The following DOK5 variants were observed in gnomAD, a reference collection of about 807,000 sequenced individuals.
DOK5 encodes the protein docking protein 5.
DOK5 carries 27 observed loss-of-function variants against 43.3 expected under a neutral mutation model. The observed-to-expected ratio is 0.62, with a 90% confidence interval of 0.46 to 0.86. The LOEUF (loss-of-function observed/expected upper bound fraction) is 0.86. Among genes scored for constraint, DOK5 ranks in the 40% least tolerant of loss-of-function variants. DOK5 has a pLI of 0.00. For missense variants in DOK5, 373 were observed against 392.9 expected (o/e 0.95, Z 0.43); for synonymous variants, 146 against 140.1 (o/e 1.04, Z -0.30).
chr20:54,537,109 A>G (rs1983986192), intron 1 of DOK5, among the ~76,000 whole-genome samples: 1 of 152,192 alleles, frequency 6.6e-6, no homozygotes, highest in South Asian at 2.1e-4. Flanking sequence ...ACCCAGCAAT[A>G]ATGCGGGGGC....
At chr20:54,576,020 T>C (rs1287925806) in intron 2 of DOK5, among the ~76,000 whole-genome samples, 1 of 151,930 alleles carries the variant, frequency 6.6e-6, no homozygotes, top group Non-Finnish European at 1.5e-5. Flanking sequence ...GAACACAGAG[T>C]TCCTGGAGAA....
chr20:54,616,767 TTTC>T (rs965747250), intron 6 of DOK5, among the ~76,000 whole-genome samples: 1 of 117,394 alleles, frequency 8.5e-6, no homozygotes, highest in South Asian at 2.2e-4. Flanking sequence ...AAGGATCCAC[TTTC>T]TTTTTTTTTT....
chr20:54,510,438 A>C (rs1278305105), intron 1 of DOK5, among the ~76,000 whole-genome samples: 1 of 152,238 alleles, frequency 6.6e-6, no homozygotes, highest in East Asian at 1.9e-4. Flanking sequence ...TTTATGTTAA[A>C]TTTTTAGTCA....
At chr20:54,481,089 C>T (rs139336551) in intron 1 of DOK5, among the ~76,000 whole-genome samples, 4,586 of 115,918 alleles carry the variant, frequency 0.04, 361 homozygotes, top group African/African-American at 0.18. Flanking sequence ...CTATCATCTA[C>T]CATCTATCTA....
At chr20:54,514,641 G>T (rs1170954466) in intron 1 of DOK5, among the ~76,000 whole-genome samples, 1 of 143,840 alleles carries the variant, frequency 7.0e-6, no homozygotes, top group Non-Finnish European at 1.5e-5. Flanking sequence ...AGAGCAATTG[G>T]AGATGGCTTC....
At chr20:54,615,051 A>G (rs1986762809) in intron 6 of DOK5, among the ~76,000 whole-genome samples, 1 of 152,220 alleles carries the variant, frequency 6.6e-6, no homozygotes. Context: ...GGCAAAACTC[A>G]TATCTGGCCA....
intron 1 of DOK5, among the ~76,000 whole-genome samples, chr20:54,505,323 T>G (rs111820765): frequency 5.1e-4 from 78 of 152,206 alleles, no homozygotes; most frequent in African/African-American, 1.8e-3. Context: ...AATCTGTGGC[T>G]GTTTGCACAC....
intron 6 of DOK5, among the ~76,000 whole-genome samples, chr20:54,631,518 GA>G (rs34536837): frequency 6.6e-6 from 1 of 152,230 alleles, no homozygotes; most frequent in South Asian, 2.1e-4. Context: ...CTGGCTGGGA[GA>G]AAATATACCA....
intron 1 of DOK5, among the ~76,000 whole-genome samples, chr20:54,494,577 C>T (rs1373131690): frequency 6.6e-6 from 1 of 152,344 alleles, no homozygotes; most frequent in East Asian, 1.9e-4. Flanking sequence ...GGCAAGGTAG[C>T]TTGGCCCATG....
intron 1 of DOK5, among the ~76,000 whole-genome samples, chr20:54,526,763 A>G (rs1235866247): frequency 1.3e-5 from 2 of 152,150 alleles, no homozygotes; most frequent in Admixed American, 1.3e-4. Context: ...GAACTCCCGG[A>G]GAAAAGAGTA....
chr20:54,507,713 C>T (rs982345590), intron 1 of DOK5, among the ~76,000 whole-genome samples: 6 of 152,086 alleles, frequency 3.9e-5, no homozygotes, highest in Non-Finnish European at 8.8e-5. Flanking sequence ...AGGAAGCCCT[C>T]ATGGGTACAA....
intron 2 of DOK5, among the ~76,000 whole-genome samples, chr20:54,559,887 A>G (rs1984842967): frequency 6.6e-6 from 1 of 152,226 alleles, no homozygotes; most frequent in South Asian, 2.1e-4. Context: ...TGTATTTGAA[A>G]AGGGAACAAC....
At chr20:54,603,153 T>C (rs1225930595) in intron 5 of DOK5, among the ~76,000 whole-genome samples, 1 of 152,250 alleles carries the variant, frequency 6.6e-6, no homozygotes, top group Non-Finnish European at 1.5e-5. Context: ...TTGTGAATGA[T>C]GGATGTCGCC....
intron 6 of DOK5, among the ~76,000 whole-genome samples, chr20:54,618,137 G>A (rs1374517791): frequency 6.6e-6 from 1 of 152,130 alleles, no homozygotes; most frequent in African/African-American, 2.4e-5. Flanking sequence ...AGGAATCACT[G>A]TCCTATGATA....
intron 1 of DOK5, among the ~76,000 whole-genome samples, chr20:54,496,708 G>A (rs1391642762): frequency 6.8e-6 from 1 of 147,804 alleles, no homozygotes; most frequent in East Asian, 2.0e-4. Context: ...GGAGCTTGCA[G>A]TGAGCCGAGA....
intron 1 of DOK5, among the ~76,000 whole-genome samples, chr20:54,540,578 G>C (rs1984121977): frequency 1.3e-5 from 2 of 152,100 alleles, no homozygotes; most frequent in African/African-American, 4.8e-5. Context: ...TGCAGTGCAT[G>C]AGCATGACTC....
intron 6 of DOK5, among the ~76,000 whole-genome samples, chr20:54,629,260 C>A (rs1481263299): frequency 6.6e-6 from 1 of 152,134 alleles, no homozygotes; most frequent in African/African-American, 2.4e-5. Context: ...TCCCTCAGTG[C>A]CTCATCCACA....
At chr20:54,478,581 G>A (rs1428481986) in intron 1 of DOK5, among the ~76,000 whole-genome samples, 3 of 152,102 alleles carry the variant, frequency 2.0e-5, no homozygotes, top group Non-Finnish European at 4.4e-5. Flanking sequence ...TGTTTGGGAC[G>A]GTTTATAATT....
chr20:54,604,608 A>G (rs1264214879), intron 5 of DOK5, among the ~76,000 whole-genome samples: 1 of 152,204 alleles, frequency 6.6e-6, no homozygotes, highest in African/African-American at 2.4e-5. Context: ...TGTAACAAGT[A>G]CCTTATTCTT....
Sources: allele counts gnomAD v4.1 joint callset (sites outside exome capture counted in the v4.1 genomes callset), GRCh38; gene constraint gnomAD v4.1.1; transcripts MANE v1.5; gene names NCBI Gene and HGNC (gene_info 2026-07-23, HGNC 2026-07-21).